The following RIMS1 variants were observed in gnomAD, a reference collection of about 807,000 sequenced individuals.
The protein encoded by RIMS1 is regulating synaptic membrane exocytosis protein 1.
A neutral mutation model predicts 214.1 loss-of-function variants in RIMS1; 83 were observed. The observed-to-expected ratio is 0.39, with a 90% CI of 0.32 to 0.47. The LOEUF (loss-of-function observed/expected upper bound fraction) is 0.47. RIMS1 is among the 20% of genes least tolerant of loss of function. RIMS1 has a pLI of 0.99. For synonymous variants in RIMS1, 793 were observed against 786.8 expected, an observed-to-expected ratio of 1.01 and a Z score of -0.13; for missense variants, 2,050 against 2,161.8, an observed-to-expected ratio of 0.95 and a Z score of 1.03.
chr6:71,899,491 A>AAC (rs528076097), intron 1 of RIMS1, among the ~76,000 whole-genome samples: 3 of 151,106 alleles, frequency 2.0e-5, no homozygotes, highest in South Asian at 2.1e-4. Context: ...CACACACACA[A>AAC]ACACACACAC....
intron 18 of RIMS1, 34 bp from the exon 19 acceptor site, chr6:72,260,671 T>C (rs977128424): frequency 6.2e-7 from 1 of 1,609,578 alleles, no homozygotes; most frequent in Non-Finnish European, 8.5e-7. Flanking sequence ...TCATAATTTA[T>C]CTGTTTCACT....
At chr6:72,122,199 C>CCTTTTT (rs1562363230) in intron 4 of RIMS1, among the ~76,000 whole-genome samples, 1 of 131,690 alleles carries the variant, frequency 7.6e-6, no homozygotes. Flanking sequence ...TCCCTCTTTT[C>CCTTTTT]CTTTTTTCTT....
At chr6:71,962,873 G>A (rs1793359357) in intron 1 of RIMS1, among the ~76,000 whole-genome samples, 1 of 151,920 alleles carries the variant, frequency 6.6e-6, no homozygotes. Context: ...CTACGTACCA[G>A]ATAATTTGTC....
chr6:72,159,189 A>G (rs1054942111), intron 4 of RIMS1, among the ~76,000 whole-genome samples: 2 of 141,228 alleles, frequency 1.4e-5, no homozygotes, highest in African/African-American at 4.9e-5. Flanking sequence ...GGCTGCATAA[A>G]TGTCTTCTTT....
chr6:72,027,021 A>G (rs1187160242), intron 2 of RIMS1, among the ~76,000 whole-genome samples: 1 of 152,242 alleles, frequency 6.6e-6, no homozygotes, highest in Non-Finnish European at 1.5e-5. Flanking sequence ...AATGAAGAAC[A>G]ATACATTAAT....
intron 4 of RIMS1, among the ~76,000 whole-genome samples, chr6:72,140,236 C>T (rs1358935025): frequency 6.6e-6 from 1 of 152,124 alleles, no homozygotes; most frequent in East Asian, 1.9e-4. Context: ...ATTGTCTTCA[C>T]TTTAATGCTT....
At chr6:72,185,303 A>G (rs952012185) in intron 6 of RIMS1, among the ~76,000 whole-genome samples, 4 of 37,186 alleles carry the variant, frequency 1.1e-4, no homozygotes, top group African/African-American at 9.7e-4. Flanking sequence ...GTTGTTATAG[A>G]AAAAAAACAT....
intron 6 of RIMS1, among the ~76,000 whole-genome samples, chr6:72,205,948 A>G (rs991787645): frequency 7.9e-5 from 12 of 152,162 alleles, no homozygotes; most frequent in Admixed American, 4.6e-4. Context: ...ATTGCTAATT[A>G]TATCTATACT....
At chr6:71,996,106 T>C (rs1803334646) in intron 2 of RIMS1, among the ~76,000 whole-genome samples, 1 of 152,162 alleles carries the variant, frequency 6.6e-6, no homozygotes, top group South Asian at 2.1e-4. Flanking sequence ...ATACCAGTCC[T>C]ATCAGACCAA....
intron 6 of RIMS1, among the ~76,000 whole-genome samples, chr6:72,211,519 T>C (rs2053808886): frequency 1.3e-5 from 2 of 152,208 alleles, no homozygotes; most frequent in Non-Finnish European, 2.9e-5. Flanking sequence ...TTTTTCAGCT[T>C]TTGAAAGTAC....
intron 1 of RIMS1, among the ~76,000 whole-genome samples, chr6:71,917,370 G>A (rs1217206210): frequency 6.6e-6 from 1 of 152,112 alleles, no homozygotes; most frequent in Non-Finnish European, 1.5e-5. Flanking sequence ...GCCAAAACCT[G>A]AATGAAACAG....
chr6:72,247,121 G>T (rs746367289), intron 11 of RIMS1, among the ~76,000 whole-genome samples: 1 of 152,106 alleles, frequency 6.6e-6, no homozygotes, highest in Non-Finnish European at 1.5e-5. Context: ...TAAACACTCT[G>T]TATTGCTCTC....
intron 2 of RIMS1, among the ~76,000 whole-genome samples, chr6:72,048,165 T>TA (rs1823597050): frequency 1.3e-5 from 2 of 152,170 alleles, no homozygotes; most frequent in Admixed American, 1.3e-4. Context: ...AGTAAGTATT[T>TA]AAAAAATCTT....
chr6:72,039,970 CT>C (rs141018621), intron 2 of RIMS1, among the ~76,000 whole-genome samples: 1 of 151,936 alleles, frequency 6.6e-6, no homozygotes, highest in Non-Finnish European at 1.5e-5. Context: ...ATTGTTTTCA[CT>C]TTTTTTGCAT....
At chr6:71,969,319 C>T (rs1286471479) in intron 2 of RIMS1, among the ~76,000 whole-genome samples, 1 of 151,948 alleles carries the variant, frequency 6.6e-6, no homozygotes, top group African/African-American at 2.4e-5. Flanking sequence ...TCTAAAATGA[C>T]AGCAATTCTT....
At chr6:71,939,734 G>A (rs1583076750) in intron 1 of RIMS1, among the ~76,000 whole-genome samples, 1 of 152,138 alleles carries the variant, frequency 6.6e-6, no homozygotes, top group Non-Finnish European at 1.5e-5. Flanking sequence ...TGAAGGCAGA[G>A]CTTTCATGAC....
Position 72,348,494 on chromosome 6 carries a change from G to A in RIMS1, c.4366+14659G>A, listed in dbSNP as rs1333737263. On this transcript the variant is annotated intron_variant, in intron 29 of 33. Coordinates refer to ENST00000521978, the MANE Select transcript of RIMS1 (RefSeq NM_014989.7). ...TCAAAAGCACCTGAACATTGCTCTC[G>A]ATAGATTTAACCAGTTAATTCTACC... Among the ~76,000 whole-genome samples the A allele has an allele frequency of 1.4e-4, 22 of 151,792 alleles. 1 individual carries two copies. The highest frequency in any genetic ancestry group is 8.3e-4 in the South Asian group (4 of 4,818).
At chr6:72,270,332 A>G (rs1353645462) in intron 22 of RIMS1, among the ~76,000 whole-genome samples, 1 of 152,210 alleles carries the variant, frequency 6.6e-6, no homozygotes, top group South Asian at 2.1e-4. Flanking sequence ...ATAAAAATAC[A>G]TATGTGTGTA....
At chr6:72,171,854 G>C (rs762406618) in intron 4 of RIMS1, among the ~76,000 whole-genome samples, 16 of 152,116 alleles carry the variant, frequency 1.1e-4, no homozygotes, top group Non-Finnish European at 2.1e-4. Flanking sequence ...TAGATTCTGA[G>C]AGATCAAGAA....
Sources: allele counts gnomAD v4.1 joint callset (sites outside exome capture counted in the v4.1 genomes callset), GRCh38; gene constraint gnomAD v4.1.1; transcripts MANE v1.5; gene names NCBI Gene and HGNC (gene_info 2026-07-23, HGNC 2026-07-21).